Variants in ADAMTS12 observed in about 807,000 individuals in gnomAD.
ADAMTS12 encodes ADAM metallopeptidase with thrombospondin type 1 motif 12, also known as A disintegrin and metalloproteinase with thrombospondin motifs 12.
A neutral mutation model predicts 167.8 loss-of-function variants in ADAMTS12; 118 were observed. That is an observed-to-expected ratio of 0.70 (90% CI 0.61 to 0.82). The LOEUF (loss-of-function observed/expected upper bound fraction) is 0.82. Among genes scored for constraint, ADAMTS12 ranks in the 40% least tolerant of loss-of-function variants. The pLI, the probability that ADAMTS12 is intolerant of heterozygous loss-of-function variation, is 0.00. For synonymous variants in ADAMTS12, 704 were observed against 716.9 expected (o/e 0.98, Z 0.29); for missense variants, 1,916 against 1,998.8 (o/e 0.96, Z 0.79).
At chr5:33,655,342 C>G (rs1741014059) in intron 7 of ADAMTS12, among the ~76,000 whole-genome samples, 1 of 152,084 alleles carries the variant, frequency 6.6e-6, no homozygotes, top group Admixed American at 6.6e-5. Flanking sequence ...CTGGGAACAG[C>G]CTCTAACCAA....
At chr5:33,665,461 G>A (rs566335131) in intron 5 of ADAMTS12, among the ~76,000 whole-genome samples, 5 of 152,108 alleles carry the variant, frequency 3.3e-5, no homozygotes, top group Non-Finnish European at 4.4e-5. Context: ...CCATTCCACC[G>A]TGTACACATA....
chr5:33,890,933 G>C (rs940574516), intron 1 of ADAMTS12, among the ~76,000 whole-genome samples: 1 of 152,086 alleles, frequency 6.6e-6, no homozygotes, highest in Non-Finnish European at 1.5e-5. Context: ...AGAGTGCCAC[G>C]CGGGCCATTG....
intron 17 of ADAMTS12, among the ~76,000 whole-genome samples, chr5:33,595,366 G>T (rs2112031659): frequency 6.6e-6 from 1 of 152,260 alleles, no homozygotes. Context: ...TCATAGCCTG[G>T]ACTGGGAGGG....
intron 18 of ADAMTS12, among the ~76,000 whole-genome samples, chr5:33,582,962 C>G (rs1747145867): frequency 6.6e-6 from 1 of 152,182 alleles, no homozygotes; most frequent in Admixed American, 6.5e-5. Flanking sequence ...TCCACCCTCT[C>G]AAGCTTTTAT....
chr5:33,888,623 C>G (rs375927321), intron 1 of ADAMTS12, among the ~76,000 whole-genome samples: 7 of 152,254 alleles, frequency 4.6e-5, no homozygotes, highest in Admixed American at 3.3e-4. Context: ...TGGAGTTCAT[C>G]TCTAATATGG....
At chr5:33,605,735 T>A (rs1738401608) in intron 16 of ADAMTS12, among the ~76,000 whole-genome samples, 1 of 152,222 alleles carries the variant, frequency 6.6e-6, no homozygotes, top group African/African-American at 2.4e-5. Context: ...CAATGAGTAG[T>A]ATTTAAATAG....
In ADAMTS12 at chr5:33,576,272, C is replaced by G. The variant is rs762255827; in HGVS notation, c.3754G>C (p.Gly1252Arg). The change falls in exon 19 of 24, where the codon GGA becomes CGA. Residue 1252 changes from glycine to arginine, a missense_variant. Physicochemically the swap from Gly to Arg is moderately radical, Grantham distance 125. Coordinates refer to ENST00000504830, the MANE Select transcript of ADAMTS12 (RefSeq NM_030955.4). Reference sequence around the variant, plus strand: ...GAGGGTTCTGGCTGGTGGTCTCCTCCCAGAGGGAGCAGAGTGTTGGCTGGC... The same window carrying G: ...GAGGGTTCTGGCTGGTGGTCTCCTCGCAGAGGGAGCAGAGTGTTGGCTGGC... ...EKPANTLLPL[G>R]GDHQPEPSGK... is the part of the protein sequence containing the mutation. 9 of 1,614,152 alleles carry G rather than the reference C, an allele frequency of 5.6e-6. No homozygotes were observed. The highest frequency in any genetic ancestry group is 1.6e-4 in the Middle Eastern group (1 of 6,062).
intron 13 of ADAMTS12, 26 bp downstream of exon 13, chr5:33,630,754 G>A: frequency 6.3e-7 from 1 of 1,594,902 alleles, no homozygotes; most frequent in South Asian, 1.1e-5. Flanking sequence ...TTATAAAGTT[G>A]TAGATTAAGG....
At chr5:33,810,032 T>C (rs1199271532) in intron 2 of ADAMTS12, among the ~76,000 whole-genome samples, 1 of 146,154 alleles carries the variant, frequency 6.8e-6, no homozygotes, top group East Asian at 2.0e-4. Context: ...TATGATCCAC[T>C]GGAAAATGCT....
intron 22 of ADAMTS12, among the ~76,000 whole-genome samples, chr5:33,543,909 T>C (rs1028616420): frequency 6.6e-6 from 1 of 152,178 alleles, no homozygotes; most frequent in African/African-American, 2.4e-5. Context: ...AATATTATAC[T>C]GAATAGGCAA....
intron 2 of ADAMTS12, among the ~76,000 whole-genome samples, chr5:33,874,927 G>A (rs894028549): frequency 1.3e-5 from 2 of 152,072 alleles, no homozygotes; most frequent in Non-Finnish European, 2.9e-5. Flanking sequence ...AATTAGCTGG[G>A]CATTGTGGCA....
chr5:33,781,198 ATACACACACATGCAAATG>A (rs1489816825), intron 2 of ADAMTS12, among the ~76,000 whole-genome samples: 1 of 152,136 alleles, frequency 6.6e-6, no homozygotes, highest in Non-Finnish European at 1.5e-5. Context: ...AGATACAGAT[ATACACACACATGCAAATG>A]TCTGTGCATG....
intron 9 of ADAMTS12, among the ~76,000 whole-genome samples, chr5:33,646,476 C>G (rs531961690): frequency 4.6e-5 from 7 of 152,286 alleles, no homozygotes; most frequent in African/African-American, 1.7e-4. Context: ...GAAAACTTGT[C>G]TCATTTGACT....
Position 33,624,158 on chromosome 5 carries a change from G to A in ADAMTS12, c.2143+73C>T, listed in dbSNP as rs1427959916. Reference sequence around the variant, plus strand: ...TTTAAAGAAATAAAAACAAAAACTAGGAACCAATCAACCATTTATCTTGCC... The same window carrying A: ...TTTAAAGAAATAAAAACAAAAACTAAGAACCAATCAACCATTTATCTTGCC... On this transcript the variant is annotated intron_variant, in intron 14 of 23. Transcript: ENST00000504830. 5.7e-6 allele frequency: 9 copies of A among 1,590,978 alleles called. No individual in the cohort carries two copies. In the Admixed American group the frequency reaches 7.0e-5, roughly 12 times the overall value.
intron 5 of ADAMTS12, among the ~76,000 whole-genome samples, chr5:33,681,096 C>T (rs999963698): frequency 6.6e-6 from 1 of 152,106 alleles, no homozygotes. Context: ...TTCATGTTGC[C>T]TGTTTTCCAA....
chr5:33,844,945 G>C (rs886387249), intron 2 of ADAMTS12, among the ~76,000 whole-genome samples: 5 of 152,130 alleles, frequency 3.3e-5, no homozygotes, highest in African/African-American at 1.2e-4. Flanking sequence ...CTGGGGGCAG[G>C]TTCCCCGATA....
chr5:33,751,170 A>T (rs1744960171), intron 3 of ADAMTS12: 1 of 516,602 alleles, frequency 1.9e-6, no homozygotes, highest in Non-Finnish European at 3.4e-6. Flanking sequence ...TTTCCTTCTC[A>T]TTAAGAATAT....
At chr5:33,627,308 ATGG>A (rs1175343968) in intron 13 of ADAMTS12, among the ~76,000 whole-genome samples, 2 of 138,218 alleles carry the variant, frequency 1.4e-5, no homozygotes, top group Non-Finnish European at 3.1e-5. Context: ...TGATTTGATG[ATGG>A]TGGTGGGGAT....
intron 18 of ADAMTS12, among the ~76,000 whole-genome samples, chr5:33,577,647 G>A (rs966131137): frequency 5.9e-5 from 9 of 152,076 alleles, no homozygotes; most frequent in African/African-American, 2.2e-4. Context: ...TTTTCCCCAG[G>A]TACCTTAAGC....
Sources: gnomAD v4.1 joint callset for allele counts (sites outside exome capture counted in the v4.1 genomes callset) on GRCh38, gnomAD v4.1.1 for gene constraint, MANE v1.5 for transcripts, NCBI Gene and HGNC (gene_info 2026-07-23, HGNC 2026-07-21) for gene names.